Variants in GOPC observed in about 807,000 individuals in gnomAD.
The protein encoded by GOPC is golgi associated PDZ and coiled-coil motif containing.
GOPC carries 32 observed loss-of-function variants against 51.2 expected under a neutral mutation model. The observed-to-expected ratio is 0.63, with a 90% CI of 0.47 to 0.84. GOPC has a LOEUF of 0.84. Among genes scored for constraint, GOPC ranks in the 40% least tolerant of loss-of-function variants. The probability of loss-of-function intolerance (pLI) is 0.00; values close to 1 mark genes in which losing one functional copy is unlikely to be tolerated. For synonymous variants in GOPC, 190 were observed against 205.1 expected (o/e 0.93, Z 0.63); for missense variants, 441 against 555.5 (o/e 0.79, Z 2.07).
chr6:117,598,105 T>C (rs902973655), intron 1 of GOPC, among the ~76,000 whole-genome samples: 12 of 149,782 alleles, frequency 8.0e-5, no homozygotes, highest in African/African-American at 3.0e-4. Context: ...ATACCTGTAA[T>C]ACCAGCATTT....
Position 117,560,503 on chromosome 6 carries a change from ATGAAACCTTTT to A in GOPC, c.*2740_*2750del, listed in dbSNP as rs1306701040. ...ACTGTGCATCTTACACATGAATCACATGAAACCTTTTTGTTTCTAAACATGAAAACAGCATA... is the reference window on the plus strand; with the variant it reads ...ACTGTGCATCTTACACATGAATCACATGTTTCTAAACATGAAAACAGCATA... On this transcript the variant is annotated 3_prime_UTR_variant, in exon 9 of 9. Transcript: ENST00000368498. The A allele has an allele frequency of 5.1e-6, 1 of 194,484 alleles. No individual in the cohort carries two copies. The highest frequency in any genetic ancestry group is 2.3e-5 in the African/African-American group (1 of 43,112). 12.0% of individuals were successfully genotyped at this position (194,484 alleles called of 1,614,324 possible). A position where few individuals can be genotyped will look rare whatever the true frequency, so the allele number is the denominator to read the frequency against.
In GOPC at chr6:117,562,443, T is replaced by C. The variant is rs1477083353; in HGVS notation, c.*811A>G. ...AACTCAAAATGTATAAAACTGTCTT[T>C]TGTGGACCCCAGAAAACAAGCATTT... is the stretch of plus-strand genomic sequence containing the variant. On this transcript the variant is annotated 3_prime_UTR_variant, in exon 9 of 9. Transcript: ENST00000368498. The C allele has an allele frequency of 9.8e-6, 2 of 203,274 alleles. No individual in the cohort carries two copies. Among genetic ancestry groups the C allele is most frequent in the East Asian group, 7.6e-5 (1 of 13,216 alleles). The allele number at this position is 203,274 out of a possible 1,614,324, so 12.6% of individuals were successfully genotyped here.
intron 3 of GOPC, chr6:117,575,581 GA>G (rs1407047273): frequency 2.4e-5 from 17 of 711,868 alleles, no homozygotes; most frequent in Non-Finnish European, 4.1e-5. Context: ...AGTATAGTAA[GA>G]AAAGTAGTCT....
chr6:117,588,888 G>A (rs1273713834), intron 1 of GOPC, among the ~76,000 whole-genome samples: 6 of 151,280 alleles, frequency 4.0e-5, no homozygotes, highest in African/African-American at 1.2e-4. Flanking sequence ...AAACCAAAAA[G>A]TCTGAGAACC....
intron 8 of GOPC, among the ~76,000 whole-genome samples, chr6:117,565,367 A>G (rs1779675254): frequency 6.6e-6 from 1 of 152,198 alleles, no homozygotes. Context: ...GATAACTGTC[A>G]GTATTGTTCT....
chr6:117,580,112 A>G lies in GOPC; in HGVS notation c.286-1048T>C, dbSNP rs531286201. On this transcript the variant is annotated intron_variant, in intron 1 of 8. Coordinates refer to ENST00000368498, the MANE Select transcript of GOPC (RefSeq NM_020399.4). ...CAACATGGACAAAATAGAAGCAGTA[A>G]TGAAATATAGACATGGGAAGACTAG... 6.6e-5 allele frequency among the ~76,000 whole-genome samples: 10 copies of G among 152,206 alleles called. No individual in the cohort carries two copies. In the East Asian group the frequency reaches 1.7e-3, roughly 26 times the overall value.
At chr6:117,584,931 G>A (rs896571597) in intron 1 of GOPC, among the ~76,000 whole-genome samples, 4 of 151,526 alleles carry the variant, frequency 2.6e-5, no homozygotes, top group African/African-American at 7.3e-5. Flanking sequence ...TCCTGCCTTC[G>A]CCTTCCACTA....
Position 117,563,118 on chromosome 6 carries a change from T to C in GOPC, c.*136A>G, listed in dbSNP as rs146831122. The C allele has an allele frequency of 2.6e-4, 192 of 727,580 alleles. No individual in the cohort carries two copies. Among genetic ancestry groups the C allele is most frequent in the African/African-American group, 1.9e-3 (107 of 56,720 alleles). The allele number at this position is 727,580 out of a possible 1,614,324, so 45.1% of individuals were successfully genotyped here. A position where few individuals can be genotyped will look rare whatever the true frequency, so the allele number is the denominator to read the frequency against. On this transcript the variant is annotated 3_prime_UTR_variant, in exon 9 of 9. Coordinates refer to ENST00000368498, the MANE Select transcript of GOPC (RefSeq NM_020399.4). ...TTTTATGCATTGAGAATTGTTCACA[T>C]GAAGCCCTGAGGTACCCGCCTTTCA...
In GOPC at chr6:117,590,497, G is replaced by A. The variant is rs142443249; in HGVS notation, c.286-11433C>T. On this transcript the variant is annotated intron_variant, in intron 1 of 8. Transcript: ENST00000368498. ...TGAGGTCAGAGGATCACTTGAGCCC[G>A]GGAGGTCGAGGCTGCAGTAAGCCAT... Among the ~76,000 whole-genome samples the A allele has an allele frequency of 2.7e-4, 41 of 151,146 alleles. 1 individual carries two copies. The East Asian group carries it at 6.2e-3, about 23-fold the overall frequency.
Position 117,561,609 on chromosome 6 carries a change from C to T in GOPC, c.*1645G>A, listed in dbSNP as rs540125723. 3 of 204,968 alleles carry T rather than the reference C, an allele frequency of 1.5e-5. No homozygotes were observed. The highest frequency in any genetic ancestry group is 6.8e-5 in the African/African-American group (3 of 43,890). 12.7% of individuals were successfully genotyped at this position (204,968 alleles called of 1,614,324 possible). A position where few individuals can be genotyped will look rare whatever the true frequency, so the allele number is the denominator to read the frequency against. On this transcript the variant is annotated 3_prime_UTR_variant, in exon 9 of 9. Coordinates refer to ENST00000368498, the MANE Select transcript of GOPC (RefSeq NM_020399.4). ...TGTTTTTTTTCTTTTAAGAGGCCTA[C>T]CCTGTCAAGAGCAAACAATAACATG...
In GOPC at chr6:117,569,518, A is replaced by G. The variant is rs537815445; in HGVS notation, c.1077+54T>C. ...TTCGTAGGGAAGTATACAGTGTTCAATAGATTCATAACCAATTGATAGATC... is the reference window on the plus strand; with the variant it reads ...TTCGTAGGGAAGTATACAGTGTTCAGTAGATTCATAACCAATTGATAGATC... On this transcript the variant is annotated intron_variant, in intron 7 of 8. Coordinates refer to ENST00000368498, the MANE Select transcript of GOPC (RefSeq NM_020399.4). 289 of 1,596,078 alleles carry G rather than the reference A, an allele frequency of 1.8e-4. No individual in the cohort carries two copies. In the African/African-American group the frequency reaches 3.4e-3, roughly 19 times the overall value.
At chr6:117,587,486 A>AC (rs1278376716) in intron 1 of GOPC, among the ~76,000 whole-genome samples, 1 of 151,580 alleles carries the variant, frequency 6.6e-6, no homozygotes, top group Non-Finnish European at 1.5e-5. Context: ...AAAAAAACCA[A>AC]CCCCCCAAAC....
In GOPC at chr6:117,560,664, T is replaced by G. The variant is rs1374085579; in HGVS notation, c.*2590A>C. 1 of 196,462 alleles carries G rather than the reference T, an allele frequency of 5.1e-6. No individual in the cohort carries two copies. Among genetic ancestry groups the G allele is most frequent in the Non-Finnish European group, 1.1e-5 (1 of 94,426 alleles). 12.2% of individuals were successfully genotyped at this position (196,462 alleles called of 1,614,324 possible). On this transcript the variant is annotated 3_prime_UTR_variant, in exon 9 of 9. Coordinates refer to ENST00000368498, the MANE Select transcript of GOPC (RefSeq NM_020399.4). ...TTTCTCAAATTTATTTTAACAATAGTCTCACCACCAAAATGTTGCTTTTCC... is the reference window on the plus strand; with the variant it reads ...TTTCTCAAATTTATTTTAACAATAGGCTCACCACCAAAATGTTGCTTTTCC...
Position 117,561,161 on chromosome 6 carries a change from C to T in GOPC, c.*2093G>A, listed in dbSNP as rs1025273208. On this transcript the variant is annotated 3_prime_UTR_variant, in exon 9 of 9. Coordinates refer to ENST00000368498, the MANE Select transcript of GOPC (RefSeq NM_020399.4). ...TGTGGAGTTTTAAACTACCTGGAAACTTTTCATTCTATTTATCAGTCCTTA... is the reference window on the plus strand; with the variant it reads ...TGTGGAGTTTTAAACTACCTGGAAATTTTTCATTCTATTTATCAGTCCTTA... 5 of 224,134 alleles carry T rather than the reference C, an allele frequency of 2.2e-5. No individual in the cohort carries two copies. Among genetic ancestry groups the T allele is most frequent in the African/African-American group, 1.1e-4 (5 of 44,834 alleles). 13.9% of individuals were successfully genotyped at this position (224,134 alleles called of 1,614,324 possible).
intron 1 of GOPC, among the ~76,000 whole-genome samples, chr6:117,585,815 A>G (rs1317133071): frequency 6.6e-6 from 1 of 152,212 alleles, no homozygotes; most frequent in African/African-American, 2.4e-5. Context: ...AGGTATGAAT[A>G]CACAGACACA....
intron 1 of GOPC, among the ~76,000 whole-genome samples, chr6:117,598,200 A>G (rs1780229698): frequency 6.6e-6 from 1 of 150,998 alleles, no homozygotes; most frequent in Non-Finnish European, 1.5e-5. Flanking sequence ...CTCTACTAAA[A>G]AAAAAAAAAA....
intron 8 of GOPC, among the ~76,000 whole-genome samples, chr6:117,565,630 A>C (rs149260134): frequency 2.7e-3 from 410 of 152,280 alleles, no homozygotes; most frequent in Non-Finnish European, 4.3e-3. Flanking sequence ...CATCAATCTC[A>C]TCAGAAAAGC....
intron 7 of GOPC, 80 bp from the exon 8 acceptor site, chr6:117,567,114 G>T: frequency 9.9e-7 from 1 of 1,011,982 alleles, no homozygotes; most frequent in Non-Finnish European, 1.4e-6. Context: ...TTTGTGGGAA[G>T]GCTTAGGGGT....
intron 3 of GOPC, among the ~76,000 whole-genome samples, chr6:117,577,215 A>C (rs1282124246): frequency 1.3e-5 from 2 of 152,130 alleles, no homozygotes; most frequent in African/African-American, 4.8e-5. Context: ...AAAAATTGAC[A>C]GGCTCTGCAA....
Sources: gnomAD v4.1 joint callset for allele counts (sites outside exome capture counted in the v4.1 genomes callset) on GRCh38, gnomAD v4.1.1 for gene constraint, MANE v1.5 for transcripts, NCBI Gene and HGNC (gene_info 2026-07-23, HGNC 2026-07-21) for gene names.